Variants in ROBO2 observed in about 807,000 individuals in gnomAD.
The protein encoded by ROBO2 is roundabout homolog 2.
ROBO2 carries 53 observed loss-of-function variants against 160.8 expected under a neutral mutation model. The ratio of observed to expected loss-of-function variants is 0.33; its 90% confidence interval spans 0.26 to 0.41. ROBO2 has a LOEUF of 0.41. Ranked by LOEUF, ROBO2 falls within the 10% of genes least tolerant of loss-of-function variation. The pLI is 1.00. For synonymous variants in ROBO2, 664 were observed against 611.7 expected, an observed-to-expected ratio of 1.09 and a Z score of -1.26; for missense variants, 1,577 against 1,722.4, an observed-to-expected ratio of 0.92 and a Z score of 1.49.
At chr3:76,249,560 C>T (rs1396228271) in intron 2 of ROBO2, among the ~76,000 whole-genome samples, 1 of 152,100 alleles carries the variant, frequency 6.6e-6, no homozygotes, top group Admixed American at 6.6e-5. Flanking sequence ...CAAAACTTTT[C>T]TGTTGCAAGC....
At chr3:76,463,687 C>T (rs2078211342) in intron 2 of ROBO2, among the ~76,000 whole-genome samples, 1 of 152,132 alleles carries the variant, frequency 6.6e-6, no homozygotes, top group Admixed American at 6.6e-5. Context: ...GTCCTAGACA[C>T]ACTCCTCCGC....
chr3:76,770,065 T>A (rs2061795710), intron 2 of ROBO2, among the ~76,000 whole-genome samples: 1 of 151,516 alleles, frequency 6.6e-6, no homozygotes, highest in Non-Finnish European at 1.5e-5. Flanking sequence ...TACAATATTA[T>A]TATCCAAGTA....
At chr3:77,107,270 A>G (rs1429879664) in intron 2 of ROBO2, among the ~76,000 whole-genome samples, 1 of 152,128 alleles carries the variant, frequency 6.6e-6, no homozygotes, top group African/African-American at 2.4e-5. Flanking sequence ...TTTTGGGGGG[A>G]TATAAACGTT....
chr3:76,657,664 A>G lies in ROBO2; in HGVS notation c.110-440350A>G, dbSNP rs9817392. Among the ~76,000 whole-genome samples the G allele has an allele frequency of 0.015, 899 of 61,236 alleles. 16 individuals carry two copies. In the East Asian group the frequency reaches 0.16, roughly 11 times the overall value. The allele number at this position is 61,236 out of a possible 152,430, so 40.2% of individuals were successfully genotyped here. A position where few individuals can be genotyped will look rare whatever the true frequency, so the allele number is the denominator to read the frequency against. On this transcript the variant is annotated intron_variant, in intron 2 of 26. Coordinates refer to the ROBO2 transcript ENST00000487694. ...TATATGTGTATATATATTCATATATATGTGTATATATATACATATATGTGT... is the reference window on the plus strand; with the variant it reads ...TATATGTGTATATATATTCATATATGTGTGTATATATATACATATATGTGT...
At chr3:77,010,388 A>G (rs140624024) in intron 2 of ROBO2, among the ~76,000 whole-genome samples, 4 of 152,156 alleles carry the variant, frequency 2.6e-5, no homozygotes, top group Non-Finnish European at 4.4e-5. Flanking sequence ...ACACAAAACT[A>G]AACTAAAATT....
intron 2 of ROBO2, among the ~76,000 whole-genome samples, chr3:77,275,825 C>A (rs1469655851): frequency 6.6e-6 from 1 of 152,052 alleles, no homozygotes; most frequent in Non-Finnish European, 1.5e-5. Context: ...AAATTATTTT[C>A]TCTTAATTTA....
chr3:77,617,469 T>C (rs761217372), intron 21 of ROBO2, 44 bp from the exon 23 acceptor site: 1 of 1,610,062 alleles, frequency 6.2e-7, no homozygotes. Flanking sequence ...TGTATGTGTA[T>C]ATGTATTTGT....
intron 2 of ROBO2, among the ~76,000 whole-genome samples, chr3:76,315,215 C>G (rs192039760): frequency 3.7e-4 from 56 of 152,308 alleles, no homozygotes; most frequent in African/African-American, 1.2e-3. Flanking sequence ...CTGTTGAGTT[C>G]ACTCAATCAT....
At chr3:75,933,290 G>A (rs1947625643) in intron 1 of ROBO2, among the ~76,000 whole-genome samples, 1 of 152,178 alleles carries the variant, frequency 6.6e-6, no homozygotes, top group East Asian at 1.9e-4. Context: ...CTAAGAAGAG[G>A]AATTGATGAC....
At chr3:77,075,612 A>G (rs533325806) in intron 1 of ROBO2, among the ~76,000 whole-genome samples, 2 of 149,608 alleles carry the variant, frequency 1.3e-5, no homozygotes, top group Non-Finnish European at 3.0e-5. Context: ...ACAACAAAAT[A>G]TGCTATTTTT....
At chr3:77,557,212 A>C (rs1379978019) in intron 8 of ROBO2, among the ~76,000 whole-genome samples, 1 of 151,994 alleles carries the variant, frequency 6.6e-6, no homozygotes, top group Non-Finnish European at 1.5e-5. Context: ...AATTTATCCA[A>C]ATGAACACAA....
chr3:76,784,703 G>T (rs180779429), intron 2 of ROBO2, among the ~76,000 whole-genome samples: 56 of 151,192 alleles, frequency 3.7e-4, no homozygotes, highest in African/African-American at 1.3e-3. Context: ...TCATGGAAAG[G>T]CTTCTTGATG....
At chr3:76,239,425 C>T (rs144823792) in intron 2 of ROBO2, among the ~76,000 whole-genome samples, 1 of 151,852 alleles carries the variant, frequency 6.6e-6, no homozygotes, top group Non-Finnish European at 1.5e-5. Flanking sequence ...TGTATACAGA[C>T]ACATGCACAA....
intron 2 of ROBO2, among the ~76,000 whole-genome samples, chr3:76,569,704 C>T (rs2084844383): frequency 6.6e-6 from 1 of 152,100 alleles, no homozygotes; most frequent in African/African-American, 2.4e-5. Flanking sequence ...AAAGTAGAAC[C>T]ATCCTTGAGA....
At chr3:77,615,814 T>C (rs923296906) in intron 21 of ROBO2, among the ~76,000 whole-genome samples, 54 of 152,206 alleles carry the variant, frequency 3.5e-4, no homozygotes, top group African/African-American at 1.3e-3. Flanking sequence ...TCAAGTTTTA[T>C]GATAAATTCA....
chr3:76,942,544 G>A (rs886458642), intron 2 of ROBO2, among the ~76,000 whole-genome samples: 29 of 152,172 alleles, frequency 1.9e-4, no homozygotes, highest in Admixed American at 1.3e-3. Flanking sequence ...ACAGCTGCTC[G>A]TGGAAAAGCA....
chr3:76,659,689 T>G lies in ROBO2; in HGVS notation c.110-438325T>G, dbSNP rs527661594. Among the ~76,000 whole-genome samples the G allele has an allele frequency of 4.6e-5, 7 of 152,292 alleles. No homozygotes were observed. In the South Asian group the frequency reaches 1.5e-3, roughly 32 times the overall value. The stretch of plus-strand genomic sequence containing the variant: ...TAAGAAAAGTAGGAAATTAATATTT[T>G]AAAGAATTGGCTGATGAAACAAAGA... On this transcript the variant is annotated intron_variant, in intron 2 of 26. Coordinates refer to the ROBO2 transcript ENST00000487694.
intron 2 of ROBO2, among the ~76,000 whole-genome samples, chr3:77,474,230 A>G (rs980942742): frequency 1.3e-5 from 2 of 152,048 alleles, no homozygotes; most frequent in African/African-American, 4.8e-5. Flanking sequence ...ATACTTCCCC[A>G]TCTCCCTTTC....
intron 2 of ROBO2, among the ~76,000 whole-genome samples, chr3:75,972,001 T>C (rs1284833457): frequency 6.6e-6 from 1 of 151,640 alleles, no homozygotes; most frequent in African/African-American, 2.4e-5. Flanking sequence ...AAATAAATTA[T>C]TCTGTTCTGT....
Sources: allele counts gnomAD v4.1 joint callset (sites outside exome capture counted in the v4.1 genomes callset), GRCh38; gene constraint gnomAD v4.1.1; transcripts MANE v1.5; gene names NCBI Gene and HGNC (gene_info 2026-07-23, HGNC 2026-07-21).